Variants in TENM1 observed in about 807,000 individuals in gnomAD.
The protein encoded by TENM1 is teneurin transmembrane protein 1.
Under a neutral mutation model 174.8 loss-of-function variants are expected in TENM1, and 35 were observed. The ratio of observed to expected loss-of-function variants is 0.20; its 90% CI spans 0.15 to 0.27. The LOEUF (loss-of-function observed/expected upper bound fraction) is 0.27. TENM1 is among the 10% of genes least tolerant of loss of function. The pLI, the probability that TENM1 is intolerant of heterozygous loss-of-function variation, is 1.00. For synonymous variants in TENM1, 781 were observed against 798.7 expected (o/e 0.98, Z 0.37); for missense variants, 1,633 against 2,130.1 (o/e 0.77, Z 4.59).
At chrX:124,422,164 T>C (rs552503135) in intron 24 of TENM1, 108 bp downstream of exon 27, 8 of 995,478 alleles carry the variant, frequency 8.0e-6, no homozygotes, top group South Asian at 7.0e-5. Context: ...CTCATACCAA[T>C]GTTTGCAAGT....
At chrX:124,390,188 A>G (rs753071793) in intron 28 of TENM1, among the ~76,000 whole-genome samples, 2 of 112,464 alleles carry the variant, frequency 1.8e-5, no homozygotes, top group Non-Finnish European at 3.8e-5. Flanking sequence ...TCTTTGCTTA[A>G]GTAAATTTGA....
chrX:125,016,360 C>T, the TENM1 span, among the ~76,000 whole-genome samples: 1 of 111,575 alleles, frequency 9.0e-6, no homozygotes, highest in Non-Finnish European at 1.9e-5. Context: ...GCAACTTCAT[C>T]AAAGTCTCAG....
chrX:124,806,515 A>C (rs1213551913), intron 3 of TENM1, among the ~76,000 whole-genome samples: 3 of 112,179 alleles, frequency 2.7e-5, no homozygotes, highest in Non-Finnish European at 5.6e-5. Flanking sequence ...ACATATAATC[A>C]AATTGTCAAA....
chrX:124,877,754 T>G (rs770106926), intron 3 of TENM1, among the ~76,000 whole-genome samples: 38 of 111,259 alleles, frequency 3.4e-4, no homozygotes, highest in Non-Finnish European at 6.2e-4. Context: ...TACCACACAG[T>G]CAGAAATCCA....
At chrX:125,024,222 C>T in the TENM1 span, among the ~76,000 whole-genome samples, 1 of 110,955 alleles carries the variant, frequency 9.0e-6, no homozygotes, top group Admixed American at 9.6e-5. Context: ...TGCACATCTA[C>T]CCAAAGGAAA....
At chrX:124,427,969 T>A in intron 23 of TENM1, among the ~76,000 whole-genome samples, 1 of 111,463 alleles carries the variant, frequency 9.0e-6, no homozygotes. Context: ...GGAACAGAGA[T>A]TGAAGAGCAG....
chrX:124,990,276 A>G, the TENM1 span, among the ~76,000 whole-genome samples: 1 of 111,644 alleles, frequency 9.0e-6, no homozygotes, highest in African/African-American at 3.3e-5. Context: ...AGCACTGCAA[A>G]CAAACATTTC....
At chrX:124,665,194 G>A (rs778193409) in intron 6 of TENM1, among the ~76,000 whole-genome samples, 1 of 111,360 alleles carries the variant, frequency 9.0e-6, no homozygotes, top group African/African-American at 3.3e-5. Context: ...TACAAAATTA[G>A]CCTGGCATGG....
intron 11 of TENM1, among the ~76,000 whole-genome samples, chrX:124,587,970 C>A (rs1350292614): frequency 8.9e-6 from 1 of 111,991 alleles, no homozygotes; most frequent in Non-Finnish European, 1.9e-5. Context: ...CAGAGAAATG[C>A]AAATCAAAAC....
rs752004221 is a variant in TENM1, at chrX:124,396,458, C to T, written c.5392-4110G>A. 1.3e-4 allele frequency among the ~76,000 whole-genome samples: 14 copies of T among 109,696 alleles called. No homozygotes were observed. In the East Asian group the frequency reaches 3.1e-3, roughly 25 times the overall value. On this transcript the variant is annotated intron_variant, in intron 27 of 31. Transcript: ENST00000422452. ...CTGGGATTACAGGTGCCCGCCACCA[C>T]GCCCAGCTAATTTTTTTGTATTTTT...
chrX:125,060,099 C>T, the TENM1 span, among the ~76,000 whole-genome samples: 8 of 107,201 alleles, frequency 7.5e-5, no homozygotes, highest in East Asian at 3.1e-4. Flanking sequence ...CCCATAACTG[C>T]GTAAGATAAT....
the TENM1 span, among the ~76,000 whole-genome samples, chrX:125,097,832 C>T: frequency 8.9e-6 from 1 of 112,552 alleles, no homozygotes; most frequent in Non-Finnish European, 1.9e-5. Context: ...AATATTGTTG[C>T]TGTCTTCACA....
chrX:125,069,639 T>C, the TENM1 span, among the ~76,000 whole-genome samples: 5 of 110,416 alleles, frequency 4.5e-5, no homozygotes, highest in East Asian at 2.9e-4. Flanking sequence ...TCAGGATAAA[T>C]AGCTAATGCA....
chrX:124,592,413 T>C (rs2049770517), intron 11 of TENM1, among the ~76,000 whole-genome samples: 2 of 107,813 alleles, frequency 1.9e-5, no homozygotes, highest in Non-Finnish European at 3.8e-5. Flanking sequence ...TCTTCATCAT[T>C]CTTTACCTAT....
intron 9 of TENM1, among the ~76,000 whole-genome samples, chrX:124,645,822 G>C (rs1185778731): frequency 8.9e-6 from 1 of 111,802 alleles, no homozygotes; most frequent in Non-Finnish European, 1.9e-5. Context: ...TGCTAATTCT[G>C]CTTTGTCATT....
chrX:124,908,206 C>CAGGT (rs1431081186), intron 1 of TENM1, among the ~76,000 whole-genome samples: 1 of 111,577 alleles, frequency 9.0e-6, no homozygotes, highest in Non-Finnish European at 1.9e-5. Context: ...GCCAAATGTG[C>CAGGT]AGGTTTGTTA....
the TENM1 span, among the ~76,000 whole-genome samples, chrX:124,976,000 A>G: frequency 9.0e-6 from 1 of 111,410 alleles, no homozygotes; most frequent in East Asian, 2.8e-4. Flanking sequence ...TGTCATGGCT[A>G]GCACATGAGA....
chrX:124,552,666 TCA>T (rs1466658830), intron 14 of TENM1, among the ~76,000 whole-genome samples: 1 of 111,928 alleles, frequency 8.9e-6, no homozygotes, highest in Non-Finnish European at 1.9e-5. Context: ...ACTTATTACC[TCA>T]CAGTCTGATT....
intron 3 of TENM1, among the ~76,000 whole-genome samples, chrX:124,887,982 A>G (rs2057416567): frequency 8.9e-6 from 1 of 112,336 alleles, no homozygotes; most frequent in Admixed American, 9.5e-5. Flanking sequence ...AAAGAAATGG[A>G]AAACAAACAA....
Sources: gnomAD v4.1 joint callset for allele counts (sites outside exome capture counted in the v4.1 genomes callset) on GRCh38, gnomAD v4.1.1 for gene constraint, MANE v1.5 for transcripts, NCBI Gene and HGNC (gene_info 2026-07-23, HGNC 2026-07-21) for gene names.